Variants in GALNT14 observed in about 807,000 individuals in gnomAD.
GALNT14 encodes polypeptide N-acetylgalactosaminyltransferase 14, also known as UDP-GalNAc:polypeptide N-acetylgalactosaminyltransferase 14.
Under a neutral mutation model 77.5 loss-of-function variants are expected in GALNT14, and 60 were observed. The observed-to-expected ratio is 0.77, with a 90% CI of 0.63 to 0.96. The LOEUF (loss-of-function observed/expected upper bound fraction) is 0.96. Among genes scored for constraint, GALNT14 ranks in the 40% least tolerant of loss-of-function variants. The pLI is 0.00. For synonymous variants in GALNT14, 280 were observed against 281.7 expected (o/e 0.99, Z 0.06); for missense variants, 710 against 731.0 (o/e 0.97, Z 0.33).
chr2:31,002,811 G>A (rs958019040), intron 1 of GALNT14, among the ~76,000 whole-genome samples: 1 of 152,216 alleles, frequency 6.6e-6, no homozygotes, highest in African/African-American at 2.4e-5. Flanking sequence ...ACAAGTTCCA[G>A]TGAGGAAGGA....
chr2:31,093,026 T>C (rs928128335), intron 1 of GALNT14, among the ~76,000 whole-genome samples: 11 of 152,200 alleles, frequency 7.2e-5, no homozygotes, highest in African/African-American at 2.4e-4. Context: ...GAACCAGAAG[T>C]GGCTCCTGTC....
At chr2:31,047,291 G>A (rs1013028747) in intron 1 of GALNT14, among the ~76,000 whole-genome samples, 14 of 152,200 alleles carry the variant, frequency 9.2e-5, no homozygotes, top group East Asian at 1.9e-4. Context: ...TGATATCTGC[G>A]AGTGGACTGT....
At chr2:30,994,345 G>A (rs2148407489) in intron 1 of GALNT14, among the ~76,000 whole-genome samples, 1 of 152,300 alleles carries the variant, frequency 6.6e-6, no homozygotes, top group East Asian at 1.9e-4. Context: ...GTGGCCCAGG[G>A]CAGGCTCCAC....
rs753054006 is a variant in GALNT14, at chr2:30,992,855, C to T, written c.282G>A (p.Pro94=). 1.1e-4 allele frequency: 172 copies of T among 1,613,882 alleles called. No individual in the cohort carries two copies. The highest frequency in any genetic ancestry group is 2.4e-4 in the South Asian group (22 of 91,068). ...GGAAGTACCTCAGATGGCGAGTGTCCGGGATGGCCCGATTGCTGGAGATCC... is the reference window on the plus strand; with the variant it reads ...GGAAGTACCTCAGATGGCGAGTGTCTGGGATGGCCCGATTGCTGGAGATCC... The part of the protein sequence containing the change: ...SERISSNRAI[P]DTRHLRCTLL... Residue 94 remains proline, a synonymous_variant, in exon 2 of 15, where the codon CCG becomes CCA. Transcript: ENST00000349752.
rs1456486069 is a variant in GALNT14 at position 30,989,270 on chromosome 2, C to T, written c.299+3568G>A. ...ACTCATGGGGATTTGACACCACTCA[C>T]TTCCACTTCTCTGGCATTGAACCTG... On this transcript the variant is annotated intron_variant, in intron 2 of 14. Coordinates refer to ENST00000349752, the MANE Select transcript of GALNT14 (RefSeq NM_024572.4). Among the ~76,000 whole-genome samples the T allele has an allele frequency of 2.0e-5, 3 of 152,102 alleles. No individual in the cohort carries two copies. The East Asian group carries it at 5.8e-4, about 29-fold the overall frequency.
intron 3 of GALNT14, 150 bp from the exon 4 acceptor site, chr2:30,958,614 C>CA (rs1667507306): frequency 1.6e-6 from 1 of 631,520 alleles, no homozygotes; most frequent in African/African-American, 1.8e-5. Flanking sequence ...ATCTGTGAGC[C>CA]AGGAGGAATG....
intron 6 of GALNT14, among the ~76,000 whole-genome samples, chr2:30,952,062 T>G (rs1241444524): frequency 6.6e-6 from 1 of 152,232 alleles, no homozygotes; most frequent in Non-Finnish European, 1.5e-5. Context: ...ACAACGCATC[T>G]GCCATTCTCT....
At chr2:30,947,682 G>A (rs190974095) in intron 6 of GALNT14, among the ~76,000 whole-genome samples, 1 of 152,266 alleles carries the variant, frequency 6.6e-6, no homozygotes. Context: ...CCACCCTTTG[G>A]CCAGCACAGG....
At chr2:31,078,526 A>G (rs1459107525) in intron 1 of GALNT14, among the ~76,000 whole-genome samples, 3 of 152,228 alleles carry the variant, frequency 2.0e-5, no homozygotes, top group Non-Finnish European at 4.4e-5. Context: ...TGAATTTTTC[A>G]TCAAAGCAAT....
At chr2:30,977,301 G>A (rs112674234) in intron 2 of GALNT14, among the ~76,000 whole-genome samples, 3,471 of 152,232 alleles carry the variant, frequency 0.023, 138 homozygotes, top group East Asian at 0.21. Context: ...ATGTTGGCCA[G>A]GCTGGTCTCG....
At chr2:30,945,264 T>C (rs533655965) in intron 7 of GALNT14, among the ~76,000 whole-genome samples, 1 of 152,318 alleles carries the variant, frequency 6.6e-6, no homozygotes, top group East Asian at 1.9e-4. Context: ...ATGTGGGCCT[T>C]GGCACTGAGT....
At chr2:31,104,194 T>G (rs944385709) in intron 1 of GALNT14, among the ~76,000 whole-genome samples, 1 of 152,214 alleles carries the variant, frequency 6.6e-6, no homozygotes. Context: ...TTTTATTTAT[T>G]GTTTACTTCA....
chr2:31,059,750 C>G (rs1674472720), intron 1 of GALNT14, among the ~76,000 whole-genome samples: 1 of 152,182 alleles, frequency 6.6e-6, no homozygotes, highest in Non-Finnish European at 1.5e-5. Context: ...AAGAGAGGCC[C>G]CTCACCCCTT....
At chr2:30,905,041 C>T in the GALNT14 span, among the ~76,000 whole-genome samples, 2 of 152,130 alleles carry the variant, frequency 1.3e-5, no homozygotes, top group Non-Finnish European at 2.9e-5. Flanking sequence ...AAAGGACATC[C>T]ACACCAAAAA....
At chr2:30,942,838 TA>T (rs1378249619) in intron 8 of GALNT14, among the ~76,000 whole-genome samples, 6 of 152,204 alleles carry the variant, frequency 3.9e-5, no homozygotes, top group African/African-American at 1.4e-4. Flanking sequence ...AATTCCTTCT[TA>T]AAAAGATATG....
intron 3 of GALNT14, among the ~76,000 whole-genome samples, chr2:30,964,077 G>A (rs1244509392): frequency 2.0e-5 from 3 of 152,238 alleles, no homozygotes; most frequent in Admixed American, 6.5e-5. Flanking sequence ...GTGCATGTGT[G>A]TGATGGTGTC....
chr2:31,078,026 T>C (rs4951965), intron 1 of GALNT14, among the ~76,000 whole-genome samples: 93,759 of 152,128 alleles, frequency 0.62, 30,005 homozygotes, highest in African/African-American at 0.8. Flanking sequence ...GAAAACAGCT[T>C]AAGTCAGAAG....
chr2:30,990,941 G>A (rs1407597047), intron 2 of GALNT14, among the ~76,000 whole-genome samples: 1 of 152,116 alleles, frequency 6.6e-6, no homozygotes, highest in Non-Finnish European at 1.5e-5. Context: ...CTTAACAGAC[G>A]GAACACACTG....
At chr2:31,125,394 AT>A (rs1678656431) in intron 1 of GALNT14, 1 of 661,874 alleles carries the variant, frequency 1.5e-6, no homozygotes, top group African/African-American at 1.8e-5. Flanking sequence ...AAGAGCCCTT[AT>A]TTCTTCCCTG....
Sources: gnomAD v4.1 joint callset for allele counts (sites outside exome capture counted in the v4.1 genomes callset) on GRCh38, gnomAD v4.1.1 for gene constraint, MANE v1.5 for transcripts, NCBI Gene and HGNC (gene_info 2026-07-23, HGNC 2026-07-21) for gene names.